Variants in COP1 observed in about 807,000 individuals in gnomAD.
The protein encoded by COP1 is E3 ubiquitin-protein ligase COP1.
In COP1, 24 loss-of-function variants were observed where a neutral mutation model predicts 101.3. The ratio of observed to expected loss-of-function variants is 0.24; its 90% CI spans 0.17 to 0.33. The LOEUF is 0.33. Among genes scored for constraint, COP1 ranks in the 10% least tolerant of loss-of-function variants. The pLI is 1.00. For synonymous variants in COP1, 347 were observed against 341.9 expected (o/e 1.01, Z -0.17); for missense variants, 663 against 906.2 (o/e 0.73, Z 3.45).
intron 9 of COP1, chr1:176,100,265 G>A (rs969591481): frequency 3.4e-5 from 8 of 236,660 alleles, no homozygotes; most frequent in African/African-American, 9.4e-5. Flanking sequence ...GGCAGGCGCC[G>A]GTAATCCCAG....
intron 11 of COP1, among the ~76,000 whole-genome samples, chr1:176,059,992 TA>T (rs914244904): frequency 3.9e-5 from 6 of 152,212 alleles, no homozygotes; most frequent in African/African-American, 1.4e-4. Context: ...GTTTTTTTAA[TA>T]GCAACCTGCT....
At chr1:176,158,107 C>A (rs553166216) in intron 5 of COP1, among the ~76,000 whole-genome samples, 2 of 151,384 alleles carry the variant, frequency 1.3e-5, no homozygotes, top group African/African-American at 4.8e-5. Flanking sequence ...AAAAAAAAAA[C>A]CTCTACTGCA....
At chr1:176,144,541 C>A (rs1366796302) in intron 6 of COP1, among the ~76,000 whole-genome samples, 1 of 152,108 alleles carries the variant, frequency 6.6e-6, no homozygotes, top group Non-Finnish European at 1.5e-5. Flanking sequence ...ATAAAAAGCA[C>A]AGTAAGTTTA....
intron 9 of COP1, among the ~76,000 whole-genome samples, chr1:176,090,630 T>C (rs1288685484): frequency 6.6e-6 from 1 of 152,012 alleles, no homozygotes; most frequent in African/African-American, 2.4e-5. Context: ...ATTTGGAGAA[T>C]TAAGCCCAGG....
chr1:176,004,866 T>A (rs1310770911), intron 15 of COP1, among the ~76,000 whole-genome samples: 1 of 151,730 alleles, frequency 6.6e-6, no homozygotes, highest in Non-Finnish European at 1.5e-5. Flanking sequence ...GCTGGCCTCA[T>A]AAAATGAGTT....
At chr1:176,192,931 G>A (rs966735916) in intron 1 of COP1, among the ~76,000 whole-genome samples, 1 of 152,090 alleles carries the variant, frequency 6.6e-6, no homozygotes, top group South Asian at 2.1e-4. Flanking sequence ...CTACAGTGCT[G>A]AATTTAAAAT....
chr1:176,090,704 C>T (rs930144322), intron 9 of COP1, among the ~76,000 whole-genome samples: 3 of 151,890 alleles, frequency 2.0e-5, no homozygotes, highest in Admixed American at 1.3e-4. Context: ...AAAGAACTGC[C>T]TAGAATGTAG....
At chr1:176,003,974 A>T (rs10798436) in intron 15 of COP1, among the ~76,000 whole-genome samples, 113,418 of 150,050 alleles carry the variant, frequency 0.76, 44,694 homozygotes, top group East Asian at 0.92. Flanking sequence ...TGATTCTTCC[A>T]ACCCATGAGC....
At chr1:176,194,590 A>G (rs528027604) in intron 1 of COP1, among the ~76,000 whole-genome samples, 33 of 152,302 alleles carry the variant, frequency 2.2e-4, no homozygotes, top group South Asian at 4.1e-4. Flanking sequence ...GTGAGCCAAG[A>G]TAACACCACT....
chr1:176,008,064 C>A (rs879499231), intron 15 of COP1, among the ~76,000 whole-genome samples: 2 of 152,154 alleles, frequency 1.3e-5, no homozygotes, highest in Admixed American at 1.3e-4. Context: ...TTTTTTAAGC[C>A]GGTCGGAAAA....
chr1:176,179,264 T>C (rs1399124399), intron 2 of COP1, among the ~76,000 whole-genome samples: 1 of 150,738 alleles, frequency 6.6e-6, no homozygotes, highest in Admixed American at 6.6e-5. Context: ...CACTCCAGCC[T>C]GGGCGACAAA....
At chr1:175,976,001 A>T (rs1654433834) in intron 18 of COP1, among the ~76,000 whole-genome samples, 1 of 152,148 alleles carries the variant, frequency 6.6e-6, no homozygotes, top group Non-Finnish European at 1.5e-5. Flanking sequence ...GCTTTCTATT[A>T]GTAAAGGGAA....
chr1:176,159,316 TG>T lies in COP1; in HGVS notation c.762+3552del, dbSNP rs1445343705. The stretch of plus-strand genomic sequence containing the variant: ...CAAATGAAGAAATTCTCAGCTGTAC[TG>T]GTTATTACAGAAATGTATTTTTAAA... On this transcript the variant is annotated intron_variant, in intron 5 of 19. Coordinates refer to ENST00000367669, the MANE Select transcript of COP1 (RefSeq NM_022457.7). 2.0e-5 allele frequency among the ~76,000 whole-genome samples: 3 copies of T among 152,152 alleles called. No homozygotes were observed. In the East Asian group the frequency reaches 5.8e-4, roughly 29 times the overall value.
rs140911635 is a variant in COP1 at position 176,176,843 on chromosome 1, T to A, written c.468-836A>T. On this transcript the variant is annotated intron_variant, in intron 2 of 19. Transcript: ENST00000367669. ...AAAAAAAAGACAAAAGAAAATAATG[T>A]CATAGTTAAAGAGTATATGTGGATA... is the stretch of plus-strand genomic sequence containing the variant. Among the ~76,000 whole-genome samples the A allele has an allele frequency of 2.6e-3, 399 of 152,090 alleles. 3 individuals are homozygous for A. Among genetic ancestry groups the A allele is most frequent in the African/African-American group, 9.2e-3 (381 of 41,510 alleles).
chr1:176,027,488 GTTAT>G (rs903729749), intron 15 of COP1, 80 bp downstream of exon 15: 2 of 818,458 alleles, frequency 2.4e-6, no homozygotes, highest in Non-Finnish European at 4.2e-6. Flanking sequence ...CTACAAAAGA[GTTAT>G]TTGTTTTAAA....
At chr1:175,979,022 G>A (rs1289468869) in intron 18 of COP1, among the ~76,000 whole-genome samples, 1 of 152,114 alleles carries the variant, frequency 6.6e-6, no homozygotes, top group East Asian at 1.9e-4. Flanking sequence ...AATTATAACT[G>A]TTTCTGCTAG....
chr1:176,141,288 G>A (rs866418416), intron 6 of COP1, among the ~76,000 whole-genome samples: 1 of 152,160 alleles, frequency 6.6e-6, no homozygotes, highest in Non-Finnish European at 1.5e-5. Context: ...GATCACCTAA[G>A]GTCAGAGTTC....
chr1:176,120,294 C>T lies in COP1; in HGVS notation c.969-3613G>A, dbSNP rs139438407. Reference sequence around the variant, plus strand: ...AATGAGCTGGGCATCATGGCAAGTGCGTGTAATCCCAGATACTAGGGAGGC... The same window carrying T: ...AATGAGCTGGGCATCATGGCAAGTGTGTGTAATCCCAGATACTAGGGAGGC... On this transcript the variant is annotated intron_variant, in intron 8 of 19. Coordinates refer to ENST00000367669, the MANE Select transcript of COP1 (RefSeq NM_022457.7). Among the ~76,000 whole-genome samples, 491 of 152,030 alleles carry T rather than the reference C, an allele frequency of 3.2e-3. 3 individuals are homozygous for T. Among genetic ancestry groups the T allele is most frequent in the African/African-American group, 0.011 (457 of 41,476 alleles).
intron 14 of COP1, among the ~76,000 whole-genome samples, chr1:176,038,165 C>G (rs1206516177): frequency 1.3e-5 from 2 of 151,922 alleles, no homozygotes; most frequent in South Asian, 2.1e-4. Context: ...TTAAAAATAC[C>G]ATTTTCATTA....
Sources: allele counts gnomAD v4.1 joint callset (sites outside exome capture counted in the v4.1 genomes callset), GRCh38; gene constraint gnomAD v4.1.1; transcripts MANE v1.5; gene names NCBI Gene and HGNC (gene_info 2026-07-23, HGNC 2026-07-21).